MAP3K4: variants seen among roughly 807,000 people sequenced by gnomAD.
MAP3K4 encodes the protein mitogen-activated protein kinase kinase kinase 4.
A neutral mutation model predicts 185.6 loss-of-function variants in MAP3K4; 67 were observed. That is an observed-to-expected ratio of 0.36 (90% CI 0.30 to 0.44). The LOEUF (loss-of-function observed/expected upper bound fraction) is 0.44. Ranked by LOEUF, MAP3K4 falls within the 20% of genes least tolerant of loss-of-function variation. The pLI, the probability that MAP3K4 is intolerant of heterozygous loss-of-function variation, is 1.00. For missense variants in MAP3K4, 1,551 were observed against 1,995.1 expected, an observed-to-expected ratio of 0.78 and a Z score of 4.24; for synonymous variants, 702 against 710.4, an observed-to-expected ratio of 0.99 and a Z score of 0.19.
At chr6:161,030,609 T>A (rs928035324) in intron 1 of MAP3K4, among the ~76,000 whole-genome samples, 2 of 151,992 alleles carry the variant, frequency 1.3e-5, no homozygotes, top group Non-Finnish European at 2.9e-5. Context: ...GAGATGGGGT[T>A]TTGCCATGTT....
chr6:161,067,509 G>A lies in MAP3K4; in HGVS notation c.1708-3099G>A, dbSNP rs771258652. ...ATTTATTACAAGTAATTATTTTAGTGGTTATTTTAGAAATTCTTGCCTGTT... is the reference window on the plus strand; with the variant it reads ...ATTTATTACAAGTAATTATTTTAGTAGTTATTTTAGAAATTCTTGCCTGTT... On this transcript the variant is annotated intron_variant, in intron 3 of 26. Transcript: ENST00000392142. This position sits in a 1 kb window ranked among gnomAD's most constrained non-coding sequence, Gnocchi z 6.3. Among the ~76,000 whole-genome samples, 37 of 152,044 alleles carry A rather than the reference G, an allele frequency of 2.4e-4. No individual in the cohort carries two copies. The highest frequency in any genetic ancestry group is 9.8e-4 in the Admixed American group (15 of 15,272).
rs1173281121 is a variant in MAP3K4, at chr6:161,100,827, A to C, written c.3675-1065A>C. On this transcript the variant is annotated intron_variant, in intron 17 of 26. Coordinates refer to ENST00000392142, the MANE Select transcript of MAP3K4 (RefSeq NM_005922.4). The surrounding 1 kb of genome is among the most constrained non-coding windows in gnomAD (Gnocchi z 5.8). ...GAGTGGAGTAGGCTTCCTCACTTCA[A>C]CACCAGTGGTTTTCCCGTCAGATAG... 1.3e-5 allele frequency among the ~76,000 whole-genome samples: 2 copies of C among 152,180 alleles called. No homozygotes were observed. The highest frequency in any genetic ancestry group is 4.8e-5 in the African/African-American group (2 of 41,440).
rs1777616640 is a variant in MAP3K4 at position 161,097,298 on chromosome 6, T to A, written c.3524+122T>A. 4.1e-6 allele frequency: 3 copies of A among 731,166 alleles called. No homozygotes were observed. The highest frequency in any genetic ancestry group is 6.7e-6 in the Non-Finnish European group (3 of 446,974). The allele number at this position is 731,166 out of a possible 1,614,324, so 45.3% of individuals were successfully genotyped here. A position where few individuals can be genotyped will look rare whatever the true frequency, so the allele number is the denominator to read the frequency against. ...ATACCTTTTCTGCATTGTTCGTACG[T>A]AAAAGCTCTTACTTGCATTATCTTG... On this transcript the variant is annotated intron_variant, in intron 16 of 26. Transcript: ENST00000392142. The surrounding 1 kb of genome is among the most constrained non-coding windows in gnomAD (Gnocchi z 4.9).
Position 161,108,251 on chromosome 6 carries a change from G to A in MAP3K4, c.4119+282G>A, listed in dbSNP as rs1778188847. On this transcript the variant is annotated intron_variant, in intron 21 of 26. Coordinates refer to ENST00000392142, the MANE Select transcript of MAP3K4 (RefSeq NM_005922.4). The surrounding 1 kb of genome is among the most constrained non-coding windows in gnomAD (Gnocchi z 5.7). ...GAGCTGAGTCTGATGAAGGCTTAGA[G>A]GAGAGGATTAACAGTAGTGTCTTAT... 6.6e-6 allele frequency among the ~76,000 whole-genome samples: 1 copy of A among 152,224 alleles called. No homozygotes were observed. Among genetic ancestry groups the A allele is most frequent in the Non-Finnish European group, 1.5e-5 (1 of 68,044 alleles).
rs1783588595 is a variant in MAP3K4 at position 161,043,582 on chromosome 6, A to C, written c.344-5034A>C. ...GTGTTCTGTGATAATCTTCATCATC[A>C]TGTTGTTACGAAAATTATGACAATG... is the stretch of plus-strand genomic sequence containing the variant. On this transcript the variant is annotated intron_variant, in intron 2 of 26. Coordinates refer to ENST00000392142, the MANE Select transcript of MAP3K4 (RefSeq NM_005922.4). The surrounding 1 kb of genome is among the most constrained non-coding windows in gnomAD (Gnocchi z 4.3). 6.6e-6 allele frequency among the ~76,000 whole-genome samples: 1 copy of C among 152,200 alleles called. No homozygotes were observed. Among genetic ancestry groups the C allele is most frequent in the Non-Finnish European group, 1.5e-5 (1 of 68,044 alleles).
At chr6:161,006,947 G>GA (rs1781614507) in intron 1 of MAP3K4, among the ~76,000 whole-genome samples, 1 of 151,972 alleles carries the variant, frequency 6.6e-6, no homozygotes, top group Non-Finnish European at 1.5e-5. Context: ...TTTCCTAACA[G>GA]AAAAAATATC....
chr6:161,089,291 T>C (rs1455021756), intron 10 of MAP3K4, 31 bp from the exon 11 acceptor site: 1 of 1,604,296 alleles, frequency 6.2e-7, no homozygotes, highest in South Asian at 1.1e-5. Flanking sequence ...CTGGGTTGGT[T>C]TTTATGTCCT....
rs757613390 is a variant in MAP3K4 at position 161,049,662 on chromosome 6, G to C, written c.1390G>C (p.Glu464Gln). ...AAGTAGTACGGATGAGAGTGAAGAA[G>C]AACAAATCTCTGATCCTAGGGTACC... ...LESSTDESEE[E>Q]QISDPRVPEI... Residue 464 changes from glutamate to glutamine, a missense_variant, in exon 3 of 27, where the codon GAA (glutamate) becomes CAA (glutamine). Glu to Gln is a conservative substitution (Grantham distance 29, BLOSUM62 2). Around this residue, in one of 16 missense-constraint regions of MAP3K4, gnomAD observed 126 missense variants for 112.8 expected, o/e 1.12. Coordinates refer to ENST00000392142, the MANE Select transcript of MAP3K4 (RefSeq NM_005922.4). The surrounding 1 kb of genome is among the most constrained non-coding windows in gnomAD (Gnocchi z 8.4). 1.9e-6 allele frequency: 3 copies of C among 1,614,106 alleles called. No homozygotes were observed. Among genetic ancestry groups the C allele is most frequent in the Admixed American group, 1.7e-5 (1 of 60,004 alleles).
At chr6:160,997,668 A>G (rs1185608731) in intron 1 of MAP3K4, among the ~76,000 whole-genome samples, 1 of 152,166 alleles carries the variant, frequency 6.6e-6, no homozygotes, top group Non-Finnish European at 1.5e-5. Context: ...CATCTCATAC[A>G]CATATTTGTC....
At position 161,106,581 on chromosome 6, in the gene MAP3K4, G is replaced by T. The variant is rs758490251; in HGVS notation, c.3924G>T (p.Arg1308Ser). The T allele has an allele frequency of 5.6e-6, 9 of 1,613,934 alleles. 1 individual carries two copies. In the South Asian group the frequency reaches 9.9e-5, roughly 18 times the overall value. Residue 1308 changes from arginine (R) to serine (S), a missense_variant, in exon 20 of 27, where the codon AGG becomes AGT. Coordinates refer to ENST00000392142, the MANE Select transcript of MAP3K4 (RefSeq NM_005922.4). The surrounding 1 kb of genome is among the most constrained non-coding windows in gnomAD (Gnocchi z 4.9). ...CAGTCCGATTGTTTGAAGAAAAGAG[G>T]TACCGAGAAATGAGGAGAAAGAATA... is the stretch of plus-strand genomic sequence containing the variant. Reference protein sequence around the residue: ...QKSVRLFEEKRYREMRRKNII... With the variant: ...QKSVRLFEEKSYREMRRKNII...
At position 161,051,395 on chromosome 6, in the gene MAP3K4, G is replaced by A. The variant is rs1783995951; in HGVS notation, c.1707+1416G>A. Among the ~76,000 whole-genome samples, 1 of 152,166 alleles carries A rather than the reference G, an allele frequency of 6.6e-6. No homozygotes were observed. The highest frequency in any genetic ancestry group is 6.5e-5 in the Admixed American group (1 of 15,284). On this transcript the variant is annotated intron_variant, in intron 3 of 26. Transcript: ENST00000392142. The surrounding 1 kb of genome is among the most constrained non-coding windows in gnomAD (Gnocchi z 4.2). ...GATTATGAGCCCTTAGGAGGAACGGGTTAAGCATTCACATAAATTCAGGAA... is the reference window on the plus strand; with the variant it reads ...GATTATGAGCCCTTAGGAGGAACGGATTAAGCATTCACATAAATTCAGGAA...
At chr6:161,111,422 A>C (rs1209343344) in intron 23 of MAP3K4, among the ~76,000 whole-genome samples, 1 of 152,226 alleles carries the variant, frequency 6.6e-6, no homozygotes, top group Admixed American at 6.5e-5. Context: ...TGGGACTCTG[A>C]AGAACTGCAG....
chr6:161,093,540 T>C lies in MAP3K4; in HGVS notation c.3349-233T>C, dbSNP rs1028530347. On this transcript the variant is annotated intron_variant, in intron 14 of 26. Transcript: ENST00000392142. The surrounding 1 kb of genome is among the most constrained non-coding windows in gnomAD (Gnocchi z 5.2). ...AAAAGTTCTTTGCTTGTACACGTTA[T>C]TGTGTTATGGGAAATTGACAGCTAA... is the stretch of plus-strand genomic sequence containing the variant. Among the ~76,000 whole-genome samples the C allele has an allele frequency of 5.9e-5, 9 of 152,222 alleles. No individual in the cohort carries two copies. Among genetic ancestry groups the C allele is most frequent in the African/African-American group, 2.2e-4 (9 of 41,462 alleles).
rs1784007156 is a variant in MAP3K4 at position 161,051,667 on chromosome 6, C to A, written c.1707+1688C>A. On this transcript the variant is annotated intron_variant, in intron 3 of 26. Coordinates refer to ENST00000392142, the MANE Select transcript of MAP3K4 (RefSeq NM_005922.4). This position sits in a 1 kb window ranked among gnomAD's most constrained non-coding sequence, Gnocchi z 4.2. ...TATCTCATCCCAGGGGGATTTGTTCCAGGACCCCCATGGACACTCAAATCC... is the reference window on the plus strand; with the variant it reads ...TATCTCATCCCAGGGGGATTTGTTCAAGGACCCCCATGGACACTCAAATCC... Among the ~76,000 whole-genome samples, 1 of 152,180 alleles carries A rather than the reference C, an allele frequency of 6.6e-6. No individual in the cohort carries two copies. The highest frequency in any genetic ancestry group is 2.1e-4 in the South Asian group (1 of 4,830).
At chr6:161,038,984 G>A (rs1228506153) in intron 2 of MAP3K4, among the ~76,000 whole-genome samples, 5 of 152,162 alleles carry the variant, frequency 3.3e-5, no homozygotes, top group Non-Finnish European at 5.9e-5. Context: ...TTCTTACACG[G>A]CAGCTGTCTT....
At position 161,091,948 on chromosome 6, in the gene MAP3K4, A is replaced by T; in HGVS notation, c.3136-62A>T. The T allele has an allele frequency of 7.4e-7, 1 of 1,344,434 alleles. No homozygotes were observed. The highest frequency in any genetic ancestry group is 1.2e-5 in the South Asian group (1 of 83,206). 83.3% of individuals were successfully genotyped at this position (1,344,434 alleles called of 1,614,324 possible). A position where few individuals can be genotyped will look rare whatever the true frequency, so the allele number is the denominator to read the frequency against. ...GAAAACATTTTAGACATGGCATTAT[A>T]GTGTGTGATATTATTTAATGATCAT... On this transcript the variant is annotated intron_variant, in intron 12 of 26. Coordinates refer to ENST00000392142, the MANE Select transcript of MAP3K4 (RefSeq NM_005922.4). This position sits in a 1 kb window ranked among gnomAD's most constrained non-coding sequence, Gnocchi z 5.5.
intron 23 of MAP3K4, 105 bp from the exon 24 acceptor site, chr6:161,111,731 G>T (rs756454919): frequency 2.8e-6 from 3 of 1,086,484 alleles, no homozygotes; most frequent in Non-Finnish European, 2.7e-6. Context: ...TAAGCCTTTC[G>T]ATTGTTTAGC....
chr6:161,052,401 T>C (rs1409443289), intron 3 of MAP3K4, among the ~76,000 whole-genome samples: 1 of 152,208 alleles, frequency 6.6e-6, no homozygotes, highest in Non-Finnish European at 1.5e-5. Context: ...GCTGAAGAGG[T>C]CATCTTTGTT....
chr6:161,047,719 AACTT>A (rs1783800521), intron 2 of MAP3K4, among the ~76,000 whole-genome samples: 1 of 152,206 alleles, frequency 6.6e-6, no homozygotes, highest in African/African-American at 2.4e-5. Context: ...AGAAGGGACT[AACTT>A]AAGGAAGTGT....
Sources: gnomAD v4.1 joint callset for allele counts (sites outside exome capture counted in the v4.1 genomes callset) on GRCh38, gnomAD v4.1.1 for gene constraint, gnomAD v4.1.1 regional missense constraint, Gnocchi (gnomAD v3.1) non-coding constraint, MANE v1.5 for transcripts, NCBI Gene and HGNC (gene_info 2026-07-23, HGNC 2026-07-21) for gene names.